Variants in ACER3 observed in about 807,000 individuals in gnomAD.
ACER3 encodes the protein alkCDase 3.
Under a neutral mutation model 48.9 loss-of-function variants are expected in ACER3, and 16 were observed. The observed-to-expected ratio is 0.33, with a 90% CI of 0.22 to 0.50. The LOEUF is 0.50. ACER3 is among the 20% of genes least tolerant of loss of function. The probability of loss-of-function intolerance (pLI) is 0.98; values close to 1 mark genes in which losing one functional copy is unlikely to be tolerated. For missense variants in ACER3, 227 were observed against 326.0 expected (o/e 0.70, Z 2.34); for synonymous variants, 109 against 107.8 (o/e 1.01, Z -0.07).
chr11:77,016,214 T>C (rs1949366564), intron 8 of ACER3, among the ~76,000 whole-genome samples: 1 of 152,020 alleles, frequency 6.6e-6, no homozygotes, highest in Admixed American at 6.6e-5. Flanking sequence ...TGTGTTGGCC[T>C]TTTTTGGATT....
At chr11:76,956,915 A>AT (rs560620800) in intron 2 of ACER3, among the ~76,000 whole-genome samples, 101 of 152,110 alleles carry the variant, frequency 6.6e-4, no homozygotes, top group African/African-American at 2.2e-3. Context: ...CAATCTAGTG[A>AT]TTTTTTTAAA....
At chr11:76,880,538 A>G (rs1300142218) in intron 1 of ACER3, among the ~76,000 whole-genome samples, 1 of 152,128 alleles carries the variant, frequency 6.6e-6, no homozygotes, top group Non-Finnish European at 1.5e-5. Context: ...CGGAAGCCCC[A>G]TGTTGTTTTA....
intron 7 of ACER3, among the ~76,000 whole-genome samples, chr11:77,005,133 G>A (rs1949108402): frequency 6.6e-6 from 1 of 151,188 alleles, no homozygotes; most frequent in Non-Finnish European, 1.5e-5. Flanking sequence ...CGCCTCCCGG[G>A]TTCACGCCAT....
intron 7 of ACER3, among the ~76,000 whole-genome samples, chr11:77,004,062 T>C (rs1270450804): frequency 6.6e-6 from 1 of 152,232 alleles, no homozygotes; most frequent in Non-Finnish European, 1.5e-5. Flanking sequence ...CTTCTACATA[T>C]GTCAATTAGA....
chr11:76,989,373 T>G (rs551066364), intron 5 of ACER3, among the ~76,000 whole-genome samples: 14 of 152,222 alleles, frequency 9.2e-5, no homozygotes, highest in Non-Finnish European at 1.8e-4. Flanking sequence ...ATCCAGTACT[T>G]AATATCAAAG....
Position 76,990,656 on chromosome 11 carries a change from G to T in ACER3, c.438+82G>T, listed in dbSNP as rs143940414. On this transcript the variant is annotated intron_variant, in intron 6 of 10. Coordinates refer to ENST00000532485, the MANE Select transcript of ACER3 (RefSeq NM_018367.7). Reference sequence around the variant, plus strand: ...GATTTCCTTGTCTAAGAAATGATATGCAGATAAAAATTTTTTTAATGAAAT... The same window carrying T: ...GATTTCCTTGTCTAAGAAATGATATTCAGATAAAAATTTTTTTAATGAAAT... 219 of 971,070 alleles carry T rather than the reference G, an allele frequency of 2.3e-4. 1 individual carries two copies. The East Asian group carries it at 4.0e-3, about 18-fold the overall frequency. 60.2% of individuals were successfully genotyped at this position (971,070 alleles called of 1,614,324 possible).
In ACER3 at chr11:76,948,211, CTGTGTGTGTGTGTG is replaced by C. The variant is rs57302394; in HGVS notation, c.215-10728_215-10715del. Among the ~76,000 whole-genome samples, 517 of 135,768 alleles carry C rather than the reference CTGTGTGTGTGTGTG, an allele frequency of 3.8e-3. 5 individuals are homozygous for C. The highest frequency in any genetic ancestry group is 0.012 in the African/African-American group (455 of 37,136). 89.1% of individuals were successfully genotyped at this position (135,768 alleles called of 152,430 possible). ...TGCTGTAGCTCCATTCTGGCTCACT[CTGTGTGTGTGTGTG>C]TGTGTGTGTGTGTGTGTGTGTGTGT... On this transcript the variant is annotated intron_variant, in intron 2 of 10. Transcript: ENST00000532485.
intron 7 of ACER3, 128 bp downstream of exon 7, chr11:76,998,949 C>A: frequency 1.6e-6 from 1 of 615,654 alleles, no homozygotes; most frequent in Non-Finnish European, 2.5e-6. Flanking sequence ...AAACTATAAC[C>A]CAACATTTAT....
chr11:76,861,552 C>A (rs1271216325), intron 1 of ACER3, among the ~76,000 whole-genome samples: 1 of 152,278 alleles, frequency 6.6e-6, no homozygotes, highest in South Asian at 2.1e-4. Flanking sequence ...TACCGTCTTT[C>A]CCTTCCCTTT....
At chr11:76,946,888 G>T (rs762801168) in intron 2 of ACER3, among the ~76,000 whole-genome samples, 20 of 152,200 alleles carry the variant, frequency 1.3e-4, no homozygotes, top group Admixed American at 2.0e-4. Context: ...GCCCGCAAGG[G>T]TTGAGGGGTT....
In ACER3 at chr11:77,022,747, A is replaced by G. The variant is rs1949490484; in HGVS notation, c.*2420A>G. The stretch of plus-strand genomic sequence containing the variant: ...CAAAAAGTCTGTTTCCTGCTGAGCC[A>G]ATAGTGATTTGTTTGCATATCACCT... On this transcript the variant is annotated 3_prime_UTR_variant, in exon 11 of 11. Transcript: ENST00000532485. 5.7e-6 allele frequency: 1 copy of G among 176,280 alleles called. No individual in the cohort carries two copies. The highest frequency in any genetic ancestry group is 2.3e-5 in the African/African-American group (1 of 42,568). 10.9% of individuals were successfully genotyped at this position (176,280 alleles called of 1,614,324 possible).
chr11:76,992,383 T>C (rs1220223563), intron 6 of ACER3, among the ~76,000 whole-genome samples: 1 of 152,202 alleles, frequency 6.6e-6, no homozygotes, highest in African/African-American at 2.4e-5. Context: ...TTTCATTTTG[T>C]GCTTTAGAAC....
chr11:76,988,281 C>T (rs1180080093), intron 5 of ACER3, among the ~76,000 whole-genome samples: 1 of 152,186 alleles, frequency 6.6e-6, no homozygotes. Flanking sequence ...GGCACATATG[C>T]ACTATTTACT....
intron 3 of ACER3, among the ~76,000 whole-genome samples, chr11:76,968,893 C>T (rs1480868465): frequency 6.6e-6 from 1 of 152,200 alleles, no homozygotes; most frequent in African/African-American, 2.4e-5. Context: ...GCAAGGACTT[C>T]ATGTCTAAAA....
chr11:76,990,786 C>T (rs1005474505), intron 6 of ACER3, among the ~76,000 whole-genome samples: 7 of 152,090 alleles, frequency 4.6e-5, no homozygotes, highest in African/African-American at 4.8e-5. Context: ...ATAGCCAATG[C>T]GCAGGTCCAG....
chr11:76,966,826 A>G (rs1178401859), intron 3 of ACER3, among the ~76,000 whole-genome samples: 1 of 151,560 alleles, frequency 6.6e-6, no homozygotes, highest in African/African-American at 2.4e-5. Flanking sequence ...AGGGAAATGT[A>G]TAGCACTAAA....
At chr11:76,931,620 T>G (rs1037184053) in intron 2 of ACER3, among the ~76,000 whole-genome samples, 1 of 152,210 alleles carries the variant, frequency 6.6e-6, no homozygotes, top group African/African-American at 2.4e-5. Context: ...TTCCTTTCCA[T>G]GTTTAGTGCT....
At chr11:76,938,035 G>A (rs1426582074) in intron 2 of ACER3, among the ~76,000 whole-genome samples, 1 of 152,066 alleles carries the variant, frequency 6.6e-6, no homozygotes. Flanking sequence ...GTTGTTTTGA[G>A]ACAGGTTCTC....
intron 7 of ACER3, among the ~76,000 whole-genome samples, chr11:77,005,522 T>C (rs1430667818): frequency 6.6e-6 from 1 of 152,132 alleles, no homozygotes; most frequent in Non-Finnish European, 1.5e-5. Context: ...TGTATCACAG[T>C]TCTAGAGGCT....
Sources: gnomAD v4.1 joint callset for allele counts (sites outside exome capture counted in the v4.1 genomes callset) on GRCh38, gnomAD v4.1.1 for gene constraint, MANE v1.5 for transcripts, NCBI Gene and HGNC (gene_info 2026-07-23, HGNC 2026-07-21) for gene names.